Variants in SPG11 observed in about 807,000 individuals in gnomAD.
The protein encoded by SPG11 is SPG11 vesicle trafficking associated, spatacsin, also known as spatacsin.
A neutral mutation model predicts 274.0 loss-of-function variants in SPG11; 222 were observed. The ratio of observed to expected loss-of-function variants is 0.81; its 90% CI spans 0.73 to 0.91. SPG11 has a LOEUF of 0.91. SPG11 is among the 40% of genes least tolerant of loss of function. The pLI, the probability that SPG11 is intolerant of heterozygous loss-of-function variation, is 0.00. For missense variants in SPG11, 3,114 were observed against 2,872.7 expected, an observed-to-expected ratio of 1.08 and a Z score of -1.92; for synonymous variants, 1,144 against 1,039.7, an observed-to-expected ratio of 1.10 and a Z score of -1.93.
intron 6 of SPG11, 76 bp downstream of exon 6, chr15:44,651,415 C>T (rs2084771515): frequency 2.3e-6 from 3 of 1,323,626 alleles, no homozygotes; most frequent in East Asian, 4.8e-5. Context: ...AGAGCAGGCA[C>T]TGAGGCAGAA....
chr15:44,564,483 T>TA (rs2082269141), intron 39 of SPG11, 64 bp downstream of exon 39: 11 of 1,562,112 alleles, frequency 7.0e-6, no homozygotes, highest in South Asian at 1.1e-5. Flanking sequence ...ATAAAATTCT[T>TA]ACACTTGTCT....
At chr15:44,594,185 G>A (rs1220146039) in intron 26 of SPG11, among the ~76,000 whole-genome samples, 1 of 151,746 alleles carries the variant, frequency 6.6e-6, no homozygotes, top group Admixed American at 6.6e-5. Flanking sequence ...CCAGCGCTTT[G>A]GGAGGCCGAG....
At chr15:44,621,967 A>G in intron 13 of SPG11, 33 bp from the exon 14 acceptor site, 1 of 1,475,148 alleles carries the variant, frequency 6.8e-7, no homozygotes, top group Non-Finnish European at 9.2e-7. Context: ...TTTTTTTTTT[A>G]ATTTTGGAGA....
At chr15:44,600,979 C>T (rs558861177) in intron 20 of SPG11, among the ~76,000 whole-genome samples, 1 of 152,164 alleles carries the variant, frequency 6.6e-6, no homozygotes, top group African/African-American at 2.4e-5. Flanking sequence ...TTGGAGAAAC[C>T]CCGTCTCTAC....
intron 1 of SPG11, among the ~76,000 whole-genome samples, 187 bp from the exon 2 acceptor site, chr15:44,660,803 C>T (rs904108561): frequency 3.9e-5 from 6 of 152,048 alleles, no homozygotes; most frequent in Non-Finnish European, 8.8e-5. Context: ...CCCTTTTACA[C>T]CAACACGAAA....
In SPG11 at chr15:44,663,421, C is replaced by A. The variant is rs777286963; in HGVS notation, c.227G>T (p.Gly76Val). ...GAAGGGGCCCTCCAGGCAGCAGCGA[C>A]CCCCGCCCCGGCTGCCAGGCGTCAA... The part of the protein sequence containing the change: ...LSLTPGSRGG[G>V]RCCLEGPFWH... The change falls in exon 1 of 40, where the codon GGT becomes GTT. Residue 76 changes from glycine (G) to valine (V), a missense_variant. Transcript: ENST00000261866. The A allele has an allele frequency of 1.2e-6, 2 of 1,606,092 alleles. No individual in the cohort carries two copies. The highest frequency in any genetic ancestry group is 3.4e-5 in the Admixed American group (2 of 59,278).
At chr15:44,634,281 T>C (rs745880590) in intron 7 of SPG11, among the ~76,000 whole-genome samples, 27 of 152,144 alleles carry the variant, frequency 1.8e-4, no homozygotes, top group Non-Finnish European at 3.7e-4. Flanking sequence ...AATTAAAATG[T>C]TATGGCAGTA....
At chr15:44,584,642 T>C in intron 29 of SPG11, 84 bp from the exon 30 acceptor site, 3 of 1,510,940 alleles carry the variant, frequency 2.0e-6, no homozygotes, top group Non-Finnish European at 2.7e-6. Context: ...TATATCATAC[T>C]TGTTTGGACA....
At chr15:44,581,995 G>GA (rs1428953111) in intron 30 of SPG11, among the ~76,000 whole-genome samples, 3 of 152,192 alleles carry the variant, frequency 2.0e-5, no homozygotes, top group African/African-American at 4.8e-5. Flanking sequence ...AGTTTCCCTT[G>GA]AAAATCACAA....
At chr15:44,637,454 A>G (rs2084310541) in intron 7 of SPG11, among the ~76,000 whole-genome samples, 1 of 152,142 alleles carries the variant, frequency 6.6e-6, no homozygotes. Flanking sequence ...CTGGGACTAT[A>G]GGTGTGAGCC....
intron 38 of SPG11, 140 bp from the exon 39 acceptor site, chr15:44,564,838 T>A: frequency 1.0e-6 from 1 of 952,782 alleles, no homozygotes; most frequent in Non-Finnish European, 1.6e-6. Flanking sequence ...AGGCTCTATG[T>A]ATCAGAGGTG....
chr15:44,597,582 C>T (rs1021892627), intron 23 of SPG11, among the ~76,000 whole-genome samples: 9 of 152,208 alleles, frequency 5.9e-5, no homozygotes, highest in Admixed American at 5.9e-4. Flanking sequence ...ACTTATTTCT[C>T]TTGCTCTATT....
chr15:44,603,353 G>A (rs1025951180), intron 20 of SPG11, among the ~76,000 whole-genome samples: 14 of 152,124 alleles, frequency 9.2e-5, no homozygotes, highest in African/African-American at 3.4e-4. Flanking sequence ...TCAGCTTCCT[G>A]AGTGTTAGGA....
At chr15:44,623,849 C>T (rs561450293) in intron 11 of SPG11, among the ~76,000 whole-genome samples, 1 of 152,082 alleles carries the variant, frequency 6.6e-6, no homozygotes, top group Admixed American at 6.6e-5. Context: ...CAACCTCTGC[C>T]TCCCGGGTTC....
At chr15:44,626,724 T>A (rs185002500) in intron 10 of SPG11, among the ~76,000 whole-genome samples, 74 of 152,206 alleles carry the variant, frequency 4.9e-4, no homozygotes, top group African/African-American at 1.7e-3. Context: ...TAGTACTGTA[T>A]GATAAGGGCT....
At chr15:44,652,023 T>TA (rs999406661) in intron 5 of SPG11, 84 bp from the exon 6 acceptor site, 21,437 of 1,127,116 alleles carry the variant, frequency 0.019, 2 homozygotes, top group Non-Finnish European at 0.022. Flanking sequence ...AAGATGTTCT[T>TA]AAAAAAAAAA....
At chr15:44,579,550 GAAAA>G (rs2082617815) in intron 30 of SPG11, among the ~76,000 whole-genome samples, 1 of 123,280 alleles carries the variant, frequency 8.1e-6, no homozygotes, top group South Asian at 2.6e-4. Flanking sequence ...AAAAAAAAAA[GAAAA>G]AGCAGGAAGA....
At chr15:44,660,733 T>C (rs1371438989) in intron 1 of SPG11, 117 bp from the exon 2 acceptor site, 3 of 902,156 alleles carry the variant, frequency 3.3e-6, no homozygotes, top group Non-Finnish European at 5.3e-6. Flanking sequence ...GGTATAGTCA[T>C]TCTACACTTC....
intron 1 of SPG11, among the ~76,000 whole-genome samples, chr15:44,662,674 A>G (rs1028028933): frequency 1.8e-4 from 27 of 149,680 alleles, no homozygotes; most frequent in Non-Finnish European, 3.7e-4. Context: ...AAAAAAAAAA[A>G]GCAGCAGCCC....
Sources: allele counts gnomAD v4.1 joint callset (sites outside exome capture counted in the v4.1 genomes callset), GRCh38; gene constraint gnomAD v4.1.1; transcripts MANE v1.5; gene names NCBI Gene and HGNC (gene_info 2026-07-23, HGNC 2026-07-21).